Variants in UACA observed in about 807,000 individuals in gnomAD.
The protein encoded by UACA is uveal autoantigen with coiled-coil domains and ankyrin repeats.
In UACA, 112 loss-of-function variants were observed where a neutral mutation model predicts 160.5. That is an observed-to-expected ratio of 0.70 (90% CI 0.60 to 0.82). UACA has a LOEUF of 0.82. Ranked by LOEUF, UACA falls within the 40% of genes least tolerant of loss-of-function variation. The probability of loss-of-function intolerance (pLI) is 0.00; values close to 1 mark genes in which losing one functional copy is unlikely to be tolerated. For missense variants in UACA, 1,574 were observed against 1,614.6 expected (o/e 0.97, Z 0.43); for synonymous variants, 557 against 568.4 (o/e 0.98, Z 0.29).
chr15:70,667,930 T>C lies in UACA; in HGVS notation c.2754A>G (p.Ile918Met), dbSNP rs750139193. 20 of 1,613,516 alleles carry C rather than the reference T, an allele frequency of 1.2e-5. No individual in the cohort carries two copies. The highest frequency in any genetic ancestry group is 1.7e-5 in the Non-Finnish European group (20 of 1,179,816). Reference protein sequence around the residue: ...KRNLENTQNQIKAEYISLAEH... With the variant: ...KRNLENTQNQMKAEYISLAEH... ...CTGCCAGGCTGATGTACTCAGCTTT[T>C]ATTTGGTTCTGAGTGTTTTCCAGGT... The change falls in exon 16 of 19, where the codon ATA (isoleucine) becomes ATG (methionine). Residue 918 changes from isoleucine to methionine, a missense_variant. Coordinates refer to ENST00000322954, the MANE Select transcript of UACA (RefSeq NM_018003.4).
chr15:70,695,095 C>T lies in UACA; in HGVS notation c.223G>A (p.Val75Met), dbSNP rs1169187149. The change falls in exon 3 of 19, where the codon GTG (valine) becomes ATG (methionine). Residue 75 changes from valine to methionine, a missense_variant. Coordinates refer to ENST00000322954, the MANE Select transcript of UACA (RefSeq NM_018003.4). ...CACTCAAGATTCCCCTTTGAGGTCA[C>T]AACATGGAAGCTAAACAAAAAAAAA... The part of the protein sequence containing the change: ...DVEGRSVFHV[V>M]TSKGNLECLN... 2.5e-6 allele frequency: 4 copies of T among 1,598,802 alleles called. No individual in the cohort carries two copies. The South Asian group carries it at 4.5e-5, about 18-fold the overall frequency.
intron 16 of UACA, 54 bp downstream of exon 16, chr15:70,666,670 G>T: frequency 7.2e-7 from 1 of 1,385,410 alleles, no homozygotes; most frequent in East Asian, 2.4e-5. Context: ...CTGTGGTAAA[G>T]AGCACTGCTC....
chr15:70,705,807 A>C (rs1348116615), intron 1 of UACA, among the ~76,000 whole-genome samples: 1 of 152,094 alleles, frequency 6.6e-6, no homozygotes, highest in Non-Finnish European at 1.5e-5. Context: ...TACCCTGATT[A>C]AACAAACTAT....
At chr15:70,657,665 C>T (rs946257042) in intron 18 of UACA, among the ~76,000 whole-genome samples, 7 of 152,102 alleles carry the variant, frequency 4.6e-5, no homozygotes, top group African/African-American at 1.7e-4. Flanking sequence ...GATAAACCTC[C>T]CTCTTTCTCT....
rs1417486764 is a variant in UACA at position 70,667,318 on chromosome 15, T to C, written c.3366A>G (p.Lys1122=). 1 of 1,611,100 alleles carries C rather than the reference T, an allele frequency of 6.2e-7. No homozygotes were observed. Among genetic ancestry groups the C allele is most frequent in the African/African-American group, 1.3e-5 (1 of 74,708 alleles). Residue 1122 remains lysine, a synonymous_variant, in exon 16 of 19, where the codon AAA becomes AAG. Transcript: ENST00000322954. ...VPLEQVEALK[K]SLNGTIENLK... ...GATTTTCAATTGTGCCATTAAGAGATTTTTTCAGAGCCTCAACCTGTTCCA... is the reference window on the plus strand; with the variant it reads ...GATTTTCAATTGTGCCATTAAGAGACTTTTTCAGAGCCTCAACCTGTTCCA...
chr15:70,691,390 A>G, intron 3 of UACA, 27 bp from the exon 4 acceptor site: 1 of 1,534,930 alleles, frequency 6.5e-7, no homozygotes, highest in Non-Finnish European at 8.9e-7. Flanking sequence ...ATACATGTGA[A>G]GGATTATTTT....
chr15:70,687,463 C>T (rs1160712688), intron 7 of UACA, 77 bp downstream of exon 7: 4 of 1,378,012 alleles, frequency 2.9e-6, no homozygotes, highest in Non-Finnish European at 4.1e-6. Flanking sequence ...AGTCAGAGAA[C>T]AGAGCTGCTG....
intron 1 of UACA, among the ~76,000 whole-genome samples, chr15:70,751,398 C>T (rs1364591259): frequency 1.3e-5 from 2 of 152,172 alleles, no homozygotes; most frequent in East Asian, 1.9e-4. Context: ...AGGAAGATTG[C>T]TGTCAATCTG....
rs1049157205 is a variant in UACA at position 70,671,869 on chromosome 15, TAC to T, written c.1168+94_1168+95del. The T allele has an allele frequency of 4.0e-6, 4 of 999,768 alleles. No individual in the cohort carries two copies. In the African/African-American group the frequency reaches 6.6e-5, roughly 16 times the overall value. The allele number at this position is 999,768 out of a possible 1,614,324, so 61.9% of individuals were successfully genotyped here. ...GAAGTTTAGCAGCAGGAATATCTTG[TAC>T]AGTTATTCCTGTATAGTTAAACAAG... On this transcript the variant is annotated intron_variant, in intron 14 of 18. Coordinates refer to ENST00000322954, the MANE Select transcript of UACA (RefSeq NM_018003.4).
intron 1 of UACA, among the ~76,000 whole-genome samples, chr15:70,744,716 G>C (rs1181591907): frequency 6.6e-6 from 1 of 152,140 alleles, no homozygotes; most frequent in East Asian, 1.9e-4. Flanking sequence ...ATTGAATTTT[G>C]CTGAAATTTT....
intron 1 of UACA, among the ~76,000 whole-genome samples, chr15:70,751,876 T>C (rs989079678): frequency 2.6e-5 from 4 of 152,048 alleles, no homozygotes; most frequent in African/African-American, 9.7e-5. Context: ...TTTTTTAAAA[T>C]ATAAAATGTT....
chr15:70,766,889 AGATGAT>A (rs2031021246), upstream of UACA, among the ~76,000 whole-genome samples: 1 of 152,224 alleles, frequency 6.6e-6, no homozygotes, highest in African/African-American at 2.4e-5. Flanking sequence ...CTGATAACTC[AGATGAT>A]GATAACGGCA....
At chr15:70,755,880 T>G (rs2030396220) in intron 1 of UACA, among the ~76,000 whole-genome samples, 1 of 152,114 alleles carries the variant, frequency 6.6e-6, no homozygotes, top group African/African-American at 2.4e-5. Flanking sequence ...CCACTGCATT[T>G]GCTCTTCTTT....
chr15:70,657,021 A>G lies in UACA; in HGVS notation c.*35T>C. On this transcript the variant is annotated 3_prime_UTR_variant, in exon 19 of 19. Coordinates refer to ENST00000322954, the MANE Select transcript of UACA (RefSeq NM_018003.4). ...TGCACAAAGAATGTTCAGCACCAGC[A>G]AGATAAAACAGATACTGGCAGTCAG... 1 of 1,583,550 alleles carries G rather than the reference A, an allele frequency of 6.3e-7. No homozygotes were observed. Among genetic ancestry groups the G allele is most frequent in the East Asian group, 2.2e-5 (1 of 44,746 alleles).
chr15:70,737,854 A>G (rs1352318330), intron 1 of UACA, among the ~76,000 whole-genome samples: 1 of 152,254 alleles, frequency 6.6e-6, no homozygotes, highest in East Asian at 1.9e-4. Context: ...TTAAAGTAGA[A>G]GTGGAGCATC....
At chr15:70,776,443 T>C in the UACA span, among the ~76,000 whole-genome samples, 1 of 150,776 alleles carries the variant, frequency 6.6e-6, no homozygotes, top group South Asian at 2.1e-4. Flanking sequence ...TTTTTTTTTT[T>C]TTGAGATGAA....
rs376522425 is a variant in UACA, at chr15:70,657,017, C to T, written c.*39G>A. 16 of 1,566,606 alleles carry T rather than the reference C, an allele frequency of 1.0e-5. No individual in the cohort carries two copies. Among genetic ancestry groups the T allele is most frequent in the African/African-American group, 1.4e-5 (1 of 73,874 alleles). ...GAGTTGCACAAAGAATGTTCAGCAC[C>T]AGCAAGATAAAACAGATACTGGCAG... On this transcript the variant is annotated 3_prime_UTR_variant, in exon 19 of 19. Transcript: ENST00000322954.
At chr15:70,745,452 A>T (rs1899678513) in intron 1 of UACA, among the ~76,000 whole-genome samples, 1 of 151,890 alleles carries the variant, frequency 6.6e-6, no homozygotes, top group Non-Finnish European at 1.5e-5. Flanking sequence ...AAAAGAAAAA[A>T]AAAAAAAAAG....
intron 1 of UACA, among the ~76,000 whole-genome samples, chr15:70,746,812 A>G (rs1186353960): frequency 1.3e-5 from 2 of 152,166 alleles, no homozygotes; most frequent in East Asian, 3.9e-4. Flanking sequence ...CATAAAAAAG[A>G]ATGAGTTCAT....
Sources: gnomAD v4.1 joint callset for allele counts (sites outside exome capture counted in the v4.1 genomes callset) on GRCh38, gnomAD v4.1.1 for gene constraint, MANE v1.5 for transcripts, NCBI Gene and HGNC (gene_info 2026-07-23, HGNC 2026-07-21) for gene names.